KCNH1: variants seen among roughly 807,000 people sequenced by gnomAD.
KCNH1 encodes voltage-gated delayed rectifier potassium channel KCNH1.
A neutral mutation model predicts 69.2 loss-of-function variants in KCNH1; 27 were observed. That is an observed-to-expected ratio of 0.39 (90% CI 0.29 to 0.54). The LOEUF (loss-of-function observed/expected upper bound fraction) is 0.54, where lower values mean the gene tolerates loss of function less well. KCNH1 is among the 20% of genes least tolerant of loss of function. The pLI is 0.68. For missense variants in KCNH1, 798 were observed against 1,261.6 expected (o/e 0.63, Z 5.57); for synonymous variants, 456 against 487.7 (o/e 0.93, Z 0.86).
intron 6 of KCNH1, among the ~76,000 whole-genome samples, chr1:210,955,680 C>T (rs1211681263): frequency 6.6e-6 from 1 of 152,088 alleles, no homozygotes; most frequent in Non-Finnish European, 1.5e-5. Context: ...AATTGGAGTT[C>T]ACTCATGATT....
intron 10 of KCNH1, among the ~76,000 whole-genome samples, chr1:210,774,310 GT>G (rs1683817880): frequency 6.6e-6 from 1 of 152,164 alleles, no homozygotes; most frequent in South Asian, 2.1e-4. Flanking sequence ...CATGAGGAAG[GT>G]TTTTAATGAA....
At chr1:210,967,213 A>G (rs1398048872) in intron 6 of KCNH1, among the ~76,000 whole-genome samples, 3 of 152,172 alleles carry the variant, frequency 2.0e-5, no homozygotes, top group Non-Finnish European at 4.4e-5. Context: ...TAGGAGGAAT[A>G]CATAATGTAG....
intron 6 of KCNH1, among the ~76,000 whole-genome samples, chr1:210,988,369 G>A (rs527325505): frequency 3.7e-4 from 56 of 152,224 alleles, no homozygotes; most frequent in African/African-American, 9.4e-4. Flanking sequence ...GGTCTTCTGC[G>A]TCACTCACAC....
intron 7 of KCNH1, among the ~76,000 whole-genome samples, chr1:210,825,346 A>G (rs1413222242): frequency 2.6e-5 from 4 of 152,178 alleles, no homozygotes; most frequent in African/African-American, 9.7e-5. Context: ...ATATTCAGGG[A>G]TTGGGATTTC....
intron 7 of KCNH1, among the ~76,000 whole-genome samples, chr1:210,823,059 C>T (rs950927862): frequency 6.6e-6 from 1 of 152,114 alleles, no homozygotes; most frequent in Non-Finnish European, 1.5e-5. Context: ...GATTTCTTGG[C>T]CACCAGTGAT....
intron 6 of KCNH1, among the ~76,000 whole-genome samples, chr1:211,011,248 T>C (rs1689387305): frequency 6.6e-6 from 1 of 152,176 alleles, no homozygotes; most frequent in African/African-American, 2.4e-5. Context: ...CGTTCCTGTG[T>C]TAGTTTGCTG....
At chr1:211,121,684 A>G (rs1691687649) in intron 1 of KCNH1, among the ~76,000 whole-genome samples, 1 of 152,246 alleles carries the variant, frequency 6.6e-6, no homozygotes, top group South Asian at 2.1e-4. Context: ...GACAAATGGG[A>G]TCTGATTAAA....
intron 10 of KCNH1, among the ~76,000 whole-genome samples, chr1:210,686,116 GC>G (rs914862052): frequency 2.0e-5 from 3 of 152,164 alleles, no homozygotes; most frequent in African/African-American, 7.2e-5. Context: ...CCTATAGTCT[GC>G]CTTGCAGATC....
chr1:211,072,653 A>G (rs187677132), intron 5 of KCNH1, among the ~76,000 whole-genome samples: 2,760 of 152,290 alleles, frequency 0.018, 37 homozygotes, highest in Middle Eastern at 0.037. Context: ...GTATTATTTG[A>G]AAGAGGTTTG....
At chr1:210,953,755 ACCCTCTCTTATCCAGAAC>A (rs1688107873) in intron 6 of KCNH1, among the ~76,000 whole-genome samples, 1 of 151,348 alleles carries the variant, frequency 6.6e-6, no homozygotes, top group African/African-American at 2.4e-5. Context: ...GGCATTCAAA[ACCCTCTCTTATCCAGAAC>A]CTTCGATCTC....
chr1:211,069,198 G>A (rs1392820404), intron 5 of KCNH1, among the ~76,000 whole-genome samples: 2 of 152,148 alleles, frequency 1.3e-5, no homozygotes, highest in East Asian at 3.9e-4. Flanking sequence ...GGGGAGGAAT[G>A]AAAAGAACTC....
chr1:210,927,468 A>G (rs1051405731), intron 6 of KCNH1, among the ~76,000 whole-genome samples: 6 of 152,210 alleles, frequency 3.9e-5, no homozygotes, highest in Non-Finnish European at 8.8e-5. Flanking sequence ...ACCAAACTTC[A>G]TAAATGAAGG....
At chr1:211,022,171 A>C (rs1301895050) in intron 5 of KCNH1, among the ~76,000 whole-genome samples, 11 of 152,168 alleles carry the variant, frequency 7.2e-5, no homozygotes, top group Admixed American at 6.5e-4. Context: ...AAATAAATCC[A>C]TGTATCTACA....
intron 10 of KCNH1, among the ~76,000 whole-genome samples, chr1:210,741,136 T>C (rs1444708965): frequency 1.3e-5 from 2 of 152,214 alleles, no homozygotes; most frequent in African/African-American, 4.8e-5. Flanking sequence ...TTCGAATGAC[T>C]GGAGTACGTA....
At chr1:210,715,517 CA>C (rs71821345) in intron 10 of KCNH1, among the ~76,000 whole-genome samples, 15,083 of 129,668 alleles carry the variant, frequency 0.12, 802 homozygotes, top group Admixed American at 0.18. Flanking sequence ...AAAAATTAAA[CA>C]AAAAAAAAAA....
At chr1:210,910,017 C>T (rs980108480) in intron 7 of KCNH1, among the ~76,000 whole-genome samples, 3 of 152,160 alleles carry the variant, frequency 2.0e-5, no homozygotes, top group African/African-American at 7.2e-5. Context: ...ATCAAATTGG[C>T]CTTGCTGCAA....
chr1:210,775,564 A>T lies in KCNH1; in HGVS notation c.1916-20T>A. The T allele has an allele frequency of 6.2e-7, 1 of 1,604,750 alleles. No homozygotes were observed. Among genetic ancestry groups the T allele is most frequent in the South Asian group, 1.1e-5 (1 of 90,622 alleles). ...CTTTTCCTAAGGAGAGAAGGTTGTC[A>T]TGAGGAAAGTGTTGGCCAGGAGAGG... On this transcript the variant is annotated intron_variant, in intron 9 of 10. Transcript: ENST00000271751.
At chr1:210,903,251 G>A (rs753286276) in intron 7 of KCNH1, among the ~76,000 whole-genome samples, 4 of 152,088 alleles carry the variant, frequency 2.6e-5, no homozygotes, top group East Asian at 1.9e-4. Flanking sequence ...TTCTCATGCC[G>A]TATCAAATTA....
chr1:210,730,040 T>C (rs931451664), intron 10 of KCNH1, among the ~76,000 whole-genome samples: 2 of 152,160 alleles, frequency 1.3e-5, no homozygotes, highest in Non-Finnish European at 2.9e-5. Context: ...TGCAGGCAGC[T>C]CTCAGTAAAG....
Sources: allele counts gnomAD v4.1 joint callset (sites outside exome capture counted in the v4.1 genomes callset), GRCh38; gene constraint gnomAD v4.1.1; transcripts MANE v1.5; gene names NCBI Gene and HGNC (gene_info 2026-07-23, HGNC 2026-07-21).